Variants in CDKAL1 observed in about 807,000 individuals in gnomAD.
The protein encoded by CDKAL1 is CDKAL1 threonylcarbamoyladenosine tRNA methylthiotransferase.
In CDKAL1, 32 loss-of-function variants were observed where a neutral mutation model predicts 68.2. The observed-to-expected ratio is 0.47, with a 90% confidence interval of 0.35 to 0.63. The LOEUF (loss-of-function observed/expected upper bound fraction) is 0.63, where lower values mean the gene tolerates loss of function less well. Among genes scored for constraint, CDKAL1 ranks in the 30% least tolerant of loss-of-function variants. CDKAL1 has a pLI of 0.00. For synonymous variants in CDKAL1, 234 were observed against 244.3 expected (o/e 0.96, Z 0.39); for missense variants, 606 against 696.7 (o/e 0.87, Z 1.47).
intron 12 of CDKAL1, among the ~76,000 whole-genome samples, chr6:21,093,125 C>G (rs1051149742): frequency 6.6e-6 from 1 of 152,088 alleles, no homozygotes; most frequent in Admixed American, 6.6e-5. Flanking sequence ...AAGCAATCCC[C>G]ATGGACGCAG....
chr6:21,223,441 T>C (rs865820490), intron 15 of CDKAL1, among the ~76,000 whole-genome samples: 5 of 152,336 alleles, frequency 3.3e-5, no homozygotes, highest in South Asian at 2.1e-4. Context: ...AAATACTCCT[T>C]CTACTTAGTA....
At chr6:20,815,344 TAGA>T (rs1192135405) in intron 8 of CDKAL1, among the ~76,000 whole-genome samples, 1 of 152,198 alleles carries the variant, frequency 6.6e-6, no homozygotes, top group African/African-American at 2.4e-5. Context: ...AAGGGTTGAG[TAGA>T]AGAAGTGTTT....
intron 6 of CDKAL1, among the ~76,000 whole-genome samples, chr6:20,748,021 T>C (rs1258765900): frequency 1.3e-5 from 2 of 152,214 alleles, no homozygotes; most frequent in Non-Finnish European, 2.9e-5. Flanking sequence ...GATTTTTATG[T>C]ATGGTGTAGT....
chr6:20,928,503 G>A (rs1225522854), intron 9 of CDKAL1, among the ~76,000 whole-genome samples: 1 of 152,186 alleles, frequency 6.6e-6, no homozygotes, highest in East Asian at 1.9e-4. Flanking sequence ...GCTTCCATCA[G>A]TATCAAAGGG....
At chr6:20,930,358 T>C (rs1763383370) in intron 9 of CDKAL1, among the ~76,000 whole-genome samples, 1 of 152,238 alleles carries the variant, frequency 6.6e-6, no homozygotes, top group Admixed American at 6.5e-5. Context: ...GCTCTATTTC[T>C]GTGCTTGGGT....
At chr6:20,833,430 G>T (rs1002913752) in intron 8 of CDKAL1, among the ~76,000 whole-genome samples, 12 of 151,992 alleles carry the variant, frequency 7.9e-5, no homozygotes, top group Admixed American at 1.3e-4. Flanking sequence ...CCTGAAGAGG[G>T]ATACTCAAAG....
chr6:21,180,090 A>T (rs1464178210), intron 13 of CDKAL1, among the ~76,000 whole-genome samples: 5 of 152,192 alleles, frequency 3.3e-5, no homozygotes, highest in African/African-American at 1.2e-4. Context: ...ACCTCAACCC[A>T]AAGGGCATTG....
Position 21,113,987 on chromosome 6 carries a change from G to A in CDKAL1, c.1299+5524G>A, listed in dbSNP as rs539982249. Among the ~76,000 whole-genome samples, 8 of 151,602 alleles carry A rather than the reference G, an allele frequency of 5.3e-5. No individual in the cohort carries two copies. In the South Asian group the frequency reaches 1.5e-3, roughly 28 times the overall value. On this transcript the variant is annotated intron_variant, in intron 13 of 15. Coordinates refer to ENST00000274695, the MANE Select transcript of CDKAL1 (RefSeq NM_017774.3). ...GCTCCGGCCGGGCGCAGTGGCTCAC[G>A]CCTGTAATCCCAGCACTTTGAGAGG...
chr6:20,934,574 G>A (rs555299704), intron 9 of CDKAL1, among the ~76,000 whole-genome samples: 1 of 152,200 alleles, frequency 6.6e-6, no homozygotes, highest in South Asian at 2.1e-4. Flanking sequence ...GGTAGGCATG[G>A]TGGTTCATGC....
intron 4 of CDKAL1, among the ~76,000 whole-genome samples, chr6:20,610,274 T>C (rs899349213): frequency 2.6e-5 from 4 of 152,204 alleles, no homozygotes; most frequent in Non-Finnish European, 5.9e-5. Context: ...AAACAGTTTA[T>C]ATTTCCATGG....
chr6:20,919,689 T>A (rs1396500768), intron 9 of CDKAL1, among the ~76,000 whole-genome samples: 1 of 152,218 alleles, frequency 6.6e-6, no homozygotes, highest in Non-Finnish European at 1.5e-5. Flanking sequence ...GTATTAGCAA[T>A]TTATAATCCT....
chr6:20,904,038 A>G (rs1762124825), intron 9 of CDKAL1, among the ~76,000 whole-genome samples: 1 of 152,226 alleles, frequency 6.6e-6, no homozygotes, highest in African/African-American at 2.4e-5. Context: ...AGGCAGCCAT[A>G]CACTTGGTCT....
rs137864894 is a variant in CDKAL1, at chr6:20,882,358, A to T, written c.742+36180A>T. On this transcript the variant is annotated intron_variant, in intron 9 of 15. Coordinates refer to ENST00000274695, the MANE Select transcript of CDKAL1 (RefSeq NM_017774.3). ...TTTCACAACCTCCCACTCTTTATCA[A>T]ACCTAGCATAAAAACACCCAGGTTA... Among the ~76,000 whole-genome samples the T allele has an allele frequency of 2.3e-3, 354 of 152,190 alleles. 1 individual carries two copies. The highest frequency in any genetic ancestry group is 7.9e-3 in the African/African-American group (328 of 41,536).
chr6:21,035,801 GCTGCCAAACA>G (rs1769545925), intron 11 of CDKAL1, among the ~76,000 whole-genome samples: 1 of 152,020 alleles, frequency 6.6e-6, no homozygotes, highest in Non-Finnish European at 1.5e-5. Context: ...ACAGATTCTT[GCTGCCAAACA>G]CTGATACCAA....
At chr6:21,025,942 T>C (rs1768931600) in intron 11 of CDKAL1, among the ~76,000 whole-genome samples, 1 of 152,162 alleles carries the variant, frequency 6.6e-6, no homozygotes, top group Non-Finnish European at 1.5e-5. Context: ...GTATTCCATT[T>C]CTCCCATCAT....
At chr6:20,657,501 G>A (rs1769080101) in intron 5 of CDKAL1, among the ~76,000 whole-genome samples, 1 of 152,108 alleles carries the variant, frequency 6.6e-6, no homozygotes, top group Non-Finnish European at 1.5e-5. Context: ...GTGTTAAATA[G>A]TTGTTTTAAA....
At chr6:21,102,516 G>A (rs9366378) in intron 12 of CDKAL1, among the ~76,000 whole-genome samples, 22,013 of 152,030 alleles carry the variant, frequency 0.14, 1,997 homozygotes, top group East Asian at 0.25. Context: ...TGTTCTCTGC[G>A]TGACTCTCCC....
At chr6:20,685,063 A>T (rs1328827708) in intron 5 of CDKAL1, among the ~76,000 whole-genome samples, 1 of 152,142 alleles carries the variant, frequency 6.6e-6, no homozygotes, top group Non-Finnish European at 1.5e-5. Context: ...TGTAATATCT[A>T]AAAAGTCATT....
intron 5 of CDKAL1, among the ~76,000 whole-genome samples, chr6:20,725,048 C>T (rs112158527): frequency 1.9e-3 from 295 of 152,250 alleles, no homozygotes; most frequent in Non-Finnish European, 3.4e-3. Context: ...CTAAATGTAA[C>T]AGCTGATCAG....
Sources: allele counts gnomAD v4.1 joint callset (sites outside exome capture counted in the v4.1 genomes callset), GRCh38; gene constraint gnomAD v4.1.1; transcripts MANE v1.5; gene names NCBI Gene and HGNC (gene_info 2026-07-23, HGNC 2026-07-21).